CUL1: variants seen among roughly 807,000 people sequenced by gnomAD.
CUL1 encodes cullin 1.
CUL1 carries 24 observed loss-of-function variants against 118.0 expected under a neutral mutation model. The observed-to-expected ratio is 0.20, with a 90% CI of 0.15 to 0.29. The LOEUF (loss-of-function observed/expected upper bound fraction) is 0.29. Ranked by LOEUF, CUL1 falls within the 10% of genes least tolerant of loss-of-function variation. The pLI is 1.00. For missense variants in CUL1, 361 were observed against 933.8 expected (o/e 0.39, Z 7.99); for synonymous variants, 332 against 340.4 (o/e 0.98, Z 0.27).
chr7:148,720,791 G>T (rs1284987846), intron 1 of CUL1, among the ~76,000 whole-genome samples: 1 of 152,200 alleles, frequency 6.6e-6, no homozygotes, highest in Non-Finnish European at 1.5e-5. Flanking sequence ...GTCGTCGAGG[G>T]TTGAGCAAAG....
chr7:148,736,379 G>A (rs929678722), intron 2 of CUL1, among the ~76,000 whole-genome samples: 2 of 152,116 alleles, frequency 1.3e-5, no homozygotes, highest in Non-Finnish European at 2.9e-5. Flanking sequence ...GCTCAGTGCA[G>A]CCTCCAACTC....
At position 148,767,636 on chromosome 7, in the gene CUL1, A is replaced by T; in HGVS notation, c.970A>T (p.Asn324Tyr). 6.2e-7 allele frequency: 1 copy of T among 1,613,844 alleles called. No individual in the cohort carries two copies. The highest frequency in any genetic ancestry group is 8.5e-7 in the Non-Finnish European group (1 of 1,179,896). ...TCTTTCAGATTTGGGACGCATGTATAATCTTGTATCTAGAATCCAGGATGG... is the reference window on the plus strand; with the variant it reads ...TCTTTCAGATTTGGGACGCATGTATTATCTTGTATCTAGAATCCAGGATGG... Reference protein sequence around the residue: ...DKNEDLGRMYNLVSRIQDGLG... With the variant: ...DKNEDLGRMYYLVSRIQDGLG... Residue 324 changes from asparagine to tyrosine, a missense_variant, in exon 9 of 22, where the codon AAT becomes TAT. Asn to Tyr is a moderately radical substitution (Grantham distance 143). This residue lies in a region of CUL1 where 169 missense variants were observed against 429.7 expected (regional missense o/e 0.39). Transcript: ENST00000325222.
chr7:148,704,950 A>G (rs1233557621), intron 1 of CUL1, among the ~76,000 whole-genome samples: 1 of 152,220 alleles, frequency 6.6e-6, no homozygotes, highest in African/African-American at 2.4e-5. Context: ...GCTTAGTTTA[A>G]TGCTGAAATC....
intron 1 of CUL1, among the ~76,000 whole-genome samples, chr7:148,721,735 A>G (rs375197819): frequency 6.6e-6 from 1 of 150,886 alleles, no homozygotes. Context: ...TTTTTTTTTC[A>G]CTCAAGACTC....
rs779761260 is a variant in CUL1 at position 148,710,235 on chromosome 7, T to C, written c.-162+11206T>C. The stretch of plus-strand genomic sequence containing the variant: ...ATGAGGGAAATTGACTAGAAAATTT[T>C]GTAACTACAAAGAAAGGTGCATCTT... On this transcript the variant is annotated intron_variant, in intron 1 of 21. Transcript: ENST00000325222. Among the ~76,000 whole-genome samples the C allele has an allele frequency of 7.9e-5, 12 of 152,264 alleles. No homozygotes were observed. In the South Asian group the frequency reaches 1.7e-3, roughly 21 times the overall value.
chr7:148,765,250 T>C (rs1455230981), intron 7 of CUL1, among the ~76,000 whole-genome samples: 1 of 152,222 alleles, frequency 6.6e-6, no homozygotes, highest in Non-Finnish European at 1.5e-5. Flanking sequence ...GCCTAATCAT[T>C]TTTTCATTTT....
At chr7:148,738,597 C>T (rs1799038837) in intron 2 of CUL1, among the ~76,000 whole-genome samples, 1 of 152,106 alleles carries the variant, frequency 6.6e-6, no homozygotes, top group Non-Finnish European at 1.5e-5. Flanking sequence ...TTCAGAGGAC[C>T]TTCAGCAAAG....
chr7:148,771,609 G>T (rs1379451040), intron 9 of CUL1, among the ~76,000 whole-genome samples: 1 of 152,160 alleles, frequency 6.6e-6, no homozygotes, highest in African/African-American at 2.4e-5. Context: ...TCGTGATCAA[G>T]GGCATTTGTG....
intron 1 of CUL1, among the ~76,000 whole-genome samples, chr7:148,719,117 C>CTG (rs777981575): frequency 6.6e-5 from 10 of 152,064 alleles, no homozygotes; most frequent in Admixed American, 1.3e-4. Context: ...CGAGACCATC[C>CTG]TGGCTAACAT....
intron 8 of CUL1, 92 bp from the exon 9 acceptor site, chr7:148,767,527 G>A: frequency 8.9e-7 from 1 of 1,120,130 alleles, no homozygotes. Flanking sequence ...ATCTTTTGCA[G>A]AGTATTTTTC....
At chr7:148,773,821 T>C (rs1396956998) in intron 9 of CUL1, among the ~76,000 whole-genome samples, 1 of 152,212 alleles carries the variant, frequency 6.6e-6, no homozygotes, top group East Asian at 1.9e-4. Context: ...CACCTTGGAA[T>C]GGTAGCATCT....
chr7:148,790,615 T>C (rs1421749359), intron 16 of CUL1, among the ~76,000 whole-genome samples, 174 bp downstream of exon 16: 1 of 152,228 alleles, frequency 6.6e-6, no homozygotes, highest in Non-Finnish European at 1.5e-5. Flanking sequence ...TCCAATTCTT[T>C]CTGGCTGGGG....
intron 2 of CUL1, among the ~76,000 whole-genome samples, chr7:148,737,330 T>C (rs1798980641): frequency 6.6e-6 from 1 of 152,068 alleles, no homozygotes; most frequent in South Asian, 2.1e-4. Context: ...TTATAATCAA[T>C]TGCAATTAGT....
Position 148,730,000 on chromosome 7 carries a change from G to T in CUL1, c.-123G>T. 9.2e-7 allele frequency: 1 copy of T among 1,085,508 alleles called. No homozygotes were observed. Among genetic ancestry groups the T allele is most frequent in the Non-Finnish European group, 1.3e-6 (1 of 768,070 alleles). 67.2% of individuals were successfully genotyped at this position (1,085,508 alleles called of 1,614,324 possible). A position where few individuals can be genotyped will look rare whatever the true frequency, so the allele number is the denominator to read the frequency against. On this transcript the variant is annotated 5_prime_UTR_variant, in exon 2 of 22. Coordinates refer to ENST00000325222, the MANE Select transcript of CUL1 (RefSeq NM_003592.3). ...GAGATTTCATTCTCTACATTTAAAG[G>T]ACATCCTTTCTGAGCTGCTGTGAAT...
At position 148,764,126 on chromosome 7, in the gene CUL1, CTTCA is replaced by C. The variant is rs550901217; in HGVS notation, c.790-2432_790-2429del. The stretch of plus-strand genomic sequence containing the variant: ...TTAAAAACTTTAAAAATATACCATA[CTTCA>C]TTAATTTGCTTGTCTTTTTTGGTTT... On this transcript the variant is annotated intron_variant, in intron 7 of 21. Transcript: ENST00000325222. Among the ~76,000 whole-genome samples, 722 of 152,222 alleles carry C rather than the reference CTTCA, an allele frequency of 4.7e-3. 8 individuals are homozygous for C. The highest frequency in any genetic ancestry group is 0.016 in the African/African-American group (664 of 41,508).
At chr7:148,750,173 G>A (rs1326301877) in intron 2 of CUL1, among the ~76,000 whole-genome samples, 1 of 152,246 alleles carries the variant, frequency 6.6e-6, no homozygotes, top group Non-Finnish European at 1.5e-5. Flanking sequence ...AGCAGCAAGT[G>A]CTGATGGAGA....
At position 148,766,811 on chromosome 7, in the gene CUL1, C is replaced by G. The variant is rs1800021201; in HGVS notation, c.952+88C>G. On this transcript the variant is annotated intron_variant, in intron 8 of 21. Coordinates refer to ENST00000325222, the MANE Select transcript of CUL1 (RefSeq NM_003592.3). ...TGATTCTAGACTCTCGAGTCAACGGCATTACTTGCCCATGTCAGTTTTAAA... is the reference window on the plus strand; with the variant it reads ...TGATTCTAGACTCTCGAGTCAACGGGATTACTTGCCCATGTCAGTTTTAAA... The G allele has an allele frequency of 2.5e-5, 28 of 1,112,306 alleles. 1 individual carries two copies. The South Asian group carries it at 4.4e-4, about 17-fold the overall frequency. 68.9% of individuals were successfully genotyped at this position (1,112,306 alleles called of 1,614,324 possible).
At chr7:148,776,903 T>A (rs1425445085) in intron 9 of CUL1, among the ~76,000 whole-genome samples, 1 of 152,220 alleles carries the variant, frequency 6.6e-6, no homozygotes, top group Non-Finnish European at 1.5e-5. Flanking sequence ...AGAACTAACT[T>A]AATTATTCCT....
At chr7:148,768,146 GCTGT>G (rs1245447953) in intron 9 of CUL1, among the ~76,000 whole-genome samples, 1 of 152,066 alleles carries the variant, frequency 6.6e-6, no homozygotes, top group African/African-American at 2.4e-5. Flanking sequence ...AGACCACAGG[GCTGT>G]ACTCTGGAGA....
Sources: gnomAD v4.1 joint callset for allele counts (sites outside exome capture counted in the v4.1 genomes callset) on GRCh38, gnomAD v4.1.1 for gene constraint, gnomAD v4.1.1 regional missense constraint, MANE v1.5 for transcripts, NCBI Gene and HGNC (gene_info 2026-07-23, HGNC 2026-07-21) for gene names.